MED13L: variants seen among roughly 807,000 people sequenced by gnomAD.
The protein encoded by MED13L is mediator of RNA polymerase II transcription subunit 13-like.
In MED13L, 7 loss-of-function variants were observed where a neutral mutation model predicts 220.9. The observed-to-expected ratio is 0.03, with a 90% CI of 0.02 to 0.06. The LOEUF (loss-of-function observed/expected upper bound fraction) is 0.06. Among genes scored for constraint, MED13L ranks in the 10% least tolerant of loss-of-function variants. MED13L has a pLI of 1.00. For synonymous variants in MED13L, 1,011 were observed against 1,015.2 expected, an observed-to-expected ratio of 1.00 and a Z score of 0.08; for missense variants, 1,965 against 2,760.5, an observed-to-expected ratio of 0.71 and a Z score of 6.46.
chr12:116,055,751 G>A (rs574705527), intron 4 of MED13L, among the ~76,000 whole-genome samples: 25 of 152,118 alleles, frequency 1.6e-4, no homozygotes, highest in Non-Finnish European at 2.5e-4. Flanking sequence ...AAAATTAGCC[G>A]GGCTTGATAG....
At chr12:115,996,808 T>C (rs1878435802) in intron 15 of MED13L, 127 bp from the exon 16 acceptor site, 3 of 1,070,484 alleles carry the variant, frequency 2.8e-6, no homozygotes, top group Non-Finnish European at 4.2e-6. Context: ...CCTATGATCA[T>C]TAGAAAATGC....
intron 4 of MED13L, among the ~76,000 whole-genome samples, chr12:116,067,417 C>CT (rs1416280152): frequency 3.3e-5 from 5 of 152,114 alleles, no homozygotes; most frequent in Non-Finnish European, 7.4e-5. Context: ...TCTCCCTGCA[C>CT]TTTAACAGAC....
At chr12:116,252,709 G>T (rs1871663940) in intron 1 of MED13L, among the ~76,000 whole-genome samples, 1 of 151,636 alleles carries the variant, frequency 6.6e-6, no homozygotes, top group South Asian at 2.1e-4. Flanking sequence ...CAGAAAAAAA[G>T]AAAACAAAAA....
chr12:116,220,879 T>C (rs936656894), intron 2 of MED13L, among the ~76,000 whole-genome samples: 1 of 152,168 alleles, frequency 6.6e-6, no homozygotes. Flanking sequence ...AACTGTGTGG[T>C]TCTGCACTTT....
In MED13L at chr12:115,975,720, G is replaced by A. The variant is rs750257495; in HGVS notation, c.5383C>T (p.Leu1795Phe). The change falls in exon 24 of 31, where the codon CTT becomes TTT. Residue 1795 changes from leucine to phenylalanine, a missense_variant. Around this residue, in one of 10 missense-constraint regions of MED13L, gnomAD observed 510 missense variants for 620.4 expected, o/e 0.82. Transcript: ENST00000281928. Reference protein sequence around the residue: ...KNPERPSPIQLYSPPFILAPI... With the variant: ...KNPERPSPIQFYSPPFILAPI... ...GCCAATATAAAGGGAGGGGAGTAAA[G>A]CTGGATTGGGCTGGGCCGCTGAAAT... The A allele has an allele frequency of 1.9e-6, 3 of 1,613,876 alleles. No homozygotes were observed. Among genetic ancestry groups the A allele is most frequent in the Non-Finnish European group, 2.5e-6 (3 of 1,179,996 alleles).
At chr12:116,137,852 A>ATTTT (rs5801166) in intron 2 of MED13L, among the ~76,000 whole-genome samples, 58 of 118,448 alleles carry the variant, frequency 4.9e-4, no homozygotes, top group Non-Finnish European at 6.0e-4. Context: ...TAATGAGGTA[A>ATTTT]TTTTTTTTTT....
intron 2 of MED13L, among the ~76,000 whole-genome samples, chr12:116,175,048 T>A (rs891570941): frequency 3.3e-5 from 5 of 152,046 alleles, no homozygotes; most frequent in African/African-American, 1.2e-4. Flanking sequence ...AGCAACAGAA[T>A]GAGATCTTGT....
chr12:116,139,304 G>C (rs1876850540), intron 2 of MED13L, among the ~76,000 whole-genome samples: 1 of 152,140 alleles, frequency 6.6e-6, no homozygotes, highest in Admixed American at 6.5e-5. Context: ...GCAATTCAAT[G>C]ATGATTGATG....
intron 16 of MED13L, among the ~76,000 whole-genome samples, chr12:115,994,543 C>A (rs986836405): frequency 1.3e-5 from 2 of 152,158 alleles, no homozygotes; most frequent in Non-Finnish European, 2.9e-5. Context: ...TACAAAGAAT[C>A]TTTGGGATGG....
intron 1 of MED13L, among the ~76,000 whole-genome samples, chr12:116,253,233 T>C (rs892133592): frequency 5.0e-5 from 7 of 140,562 alleles, no homozygotes; most frequent in Admixed American, 3.8e-4. Flanking sequence ...GATGGCGCCA[T>C]TGCACTCCAG....
intron 3 of MED13L, among the ~76,000 whole-genome samples, chr12:116,107,018 G>C (rs1873648374): frequency 6.6e-6 from 1 of 152,124 alleles, no homozygotes; most frequent in South Asian, 2.1e-4. Context: ...CTTACAATGA[G>C]AAAGGTACTG....
At chr12:116,064,224 AT>A (rs1869737441) in intron 4 of MED13L, among the ~76,000 whole-genome samples, 1 of 151,980 alleles carries the variant, frequency 6.6e-6, no homozygotes, top group South Asian at 2.1e-4. Flanking sequence ...ACCTACACAT[AT>A]CCCCCTGCAT....
chr12:115,998,582 C>T (rs924540392), intron 14 of MED13L, among the ~76,000 whole-genome samples: 13 of 152,194 alleles, frequency 8.5e-5, no homozygotes, highest in African/African-American at 3.1e-4. Context: ...GGCCTACTTG[C>T]TTTGCTTTGT....
chr12:116,048,385 C>T (rs1881961817), intron 4 of MED13L, among the ~76,000 whole-genome samples: 1 of 152,020 alleles, frequency 6.6e-6, no homozygotes, highest in African/African-American at 2.4e-5. Flanking sequence ...TGTAAACCTG[C>T]ACATCATACA....
At chr12:116,130,661 G>T (rs1181729573) in intron 2 of MED13L, among the ~76,000 whole-genome samples, 1 of 152,054 alleles carries the variant, frequency 6.6e-6, no homozygotes, top group Non-Finnish European at 1.5e-5. Flanking sequence ...ATGGATCATT[G>T]TATCTGCCAA....
At chr12:116,026,139 CA>C (rs1469982369) in intron 4 of MED13L, among the ~76,000 whole-genome samples, 2 of 151,708 alleles carry the variant, frequency 1.3e-5, no homozygotes, top group Non-Finnish European at 2.9e-5. Context: ...GGAAAGGAGT[CA>C]AAAAAAGGAT....
At chr12:116,133,886 TCTCAGCTGA>T (rs1180083033) in intron 2 of MED13L, among the ~76,000 whole-genome samples, 1 of 152,112 alleles carries the variant, frequency 6.6e-6, no homozygotes, top group Non-Finnish European at 1.5e-5. Flanking sequence ...TGGCCAACTG[TCTCAGCTGA>T]CATCTCAGCC....
intron 2 of MED13L, among the ~76,000 whole-genome samples, chr12:116,151,851 G>A (rs184172028): frequency 6.6e-5 from 10 of 152,232 alleles, no homozygotes; most frequent in African/African-American, 1.4e-4. Flanking sequence ...CAGAGACATC[G>A]ACACTCAACT....
intron 4 of MED13L, among the ~76,000 whole-genome samples, chr12:116,092,138 C>A (rs927326585): frequency 2.0e-5 from 3 of 152,150 alleles, no homozygotes; most frequent in African/African-American, 7.2e-5. Flanking sequence ...CATCAGCAAG[C>A]CCTTATTAAC....
Sources: allele counts gnomAD v4.1 joint callset (sites outside exome capture counted in the v4.1 genomes callset), GRCh38; gene constraint gnomAD v4.1.1; regional missense constraint gnomAD v4.1.1; transcripts MANE v1.5; gene names NCBI Gene and HGNC (gene_info 2026-07-23, HGNC 2026-07-21).